The following MCTP1 variants were observed in gnomAD, a reference collection of about 807,000 sequenced individuals.
The protein encoded by MCTP1 is multiple C2 and transmembrane domain-containing protein 1.
A neutral mutation model predicts 120.6 loss-of-function variants in MCTP1; 69 were observed. The ratio of observed to expected loss-of-function variants is 0.57; its 90% CI spans 0.47 to 0.70. The LOEUF is 0.70. MCTP1 is among the 30% of genes least tolerant of loss of function. MCTP1 has a pLI of 0.00. For missense variants in MCTP1, 1,203 were observed against 1,248.8 expected (o/e 0.96, Z 0.55); for synonymous variants, 529 against 493.1 (o/e 1.07, Z -0.96).
At chr5:95,097,059 C>T (rs1217707539) in intron 1 of MCTP1, among the ~76,000 whole-genome samples, 1 of 152,018 alleles carries the variant, frequency 6.6e-6, no homozygotes, top group African/African-American at 2.4e-5. Flanking sequence ...TTTTTTATAA[C>T]TTTTTCCCCT....
At chr5:94,813,618 G>C (rs1330718244) in intron 17 of MCTP1, among the ~76,000 whole-genome samples, 1 of 152,110 alleles carries the variant, frequency 6.6e-6, no homozygotes, top group African/African-American at 2.4e-5. Context: ...ATACTATTCA[G>C]TAATAAAAAG....
At position 94,706,452 on chromosome 5, in the gene MCTP1, T is replaced by TA. The variant is rs1554073914; in HGVS notation, c.*1043dup. The TA allele has an allele frequency of 7.9e-5, 12 of 151,622 alleles. No homozygotes were observed. Among genetic ancestry groups the TA allele is most frequent in the Admixed American group, 2.6e-4 (4 of 15,174 alleles). 9.4% of individuals were successfully genotyped at this position (151,622 alleles called of 1,614,324 possible). The stretch of plus-strand genomic sequence containing the variant: ...ATGCATAATCAAGAATGATTTTTTT[T>TA]AATAAATGAATGTAGTGAAACACTG... On this transcript the variant is annotated 3_prime_UTR_variant, in exon 23 of 23. Coordinates refer to ENST00000515393, the MANE Select transcript of MCTP1 (RefSeq NM_024717.7).
chr5:95,279,390 G>C (rs1037531478), intron 1 of MCTP1, among the ~76,000 whole-genome samples: 1 of 152,026 alleles, frequency 6.6e-6, no homozygotes, highest in Admixed American at 6.6e-5. Context: ...TTCCATTGCT[G>C]TATAAAATTG....
At chr5:95,210,093 A>C (rs1363937020) in intron 1 of MCTP1, among the ~76,000 whole-genome samples, 1 of 152,116 alleles carries the variant, frequency 6.6e-6, no homozygotes, top group Non-Finnish European at 1.5e-5. Flanking sequence ...CTTTACTTCC[A>C]AGTATGTGGT....
intron 1 of MCTP1, among the ~76,000 whole-genome samples, chr5:95,022,828 G>C (rs1218321000): frequency 6.6e-6 from 1 of 152,116 alleles, no homozygotes; most frequent in Admixed American, 6.6e-5. Flanking sequence ...GTCCATTCAG[G>C]AGCTATAATA....
intron 1 of MCTP1, among the ~76,000 whole-genome samples, chr5:95,129,503 CCAAA>C (rs955318071): frequency 4.7e-4 from 71 of 152,158 alleles, no homozygotes; most frequent in Middle Eastern, 6.8e-3. Flanking sequence ...TAACGGATGC[CCAAA>C]CAGATGGTAA....
intron 1 of MCTP1, among the ~76,000 whole-genome samples, chr5:95,080,212 C>T (rs10515222): frequency 0.026 from 3,978 of 152,186 alleles, 154 homozygotes; most frequent in African/African-American, 0.088. Context: ...GGCTCACTTC[C>T]CAGAGTAAGG....
intron 3 of MCTP1, among the ~76,000 whole-genome samples, chr5:94,944,655 C>G (rs982302390): frequency 2.0e-5 from 3 of 152,186 alleles, no homozygotes; most frequent in Non-Finnish European, 1.5e-5. Context: ...TTTCACTCTC[C>G]TAGTGAGAGT....
At chr5:95,149,497 C>CCAAGCCGG (rs1554215631) in intron 1 of MCTP1, among the ~76,000 whole-genome samples, 150,151 of 151,918 alleles carry the variant, frequency 0.99, 74,228 homozygotes, top group Non-Finnish European at 1. Context: ...TGCTGGGAGC[C>CCAAGCCGG]CAAGTCTTGC....
intron 2 of MCTP1, among the ~76,000 whole-genome samples, chr5:95,004,431 T>A (rs1413977439): frequency 1.3e-5 from 2 of 152,176 alleles, no homozygotes; most frequent in East Asian, 3.8e-4. Context: ...TGTTAATTGC[T>A]GACAATGGAA....
intron 1 of MCTP1, among the ~76,000 whole-genome samples, chr5:95,229,526 A>T (rs912984935): frequency 7.2e-5 from 11 of 152,098 alleles, no homozygotes; most frequent in African/African-American, 2.7e-4. Flanking sequence ...AGGCCGGCAG[A>T]TCACAAGGTC....
intron 1 of MCTP1, among the ~76,000 whole-genome samples, chr5:95,028,815 C>T (rs557395526): frequency 6.6e-6 from 1 of 152,276 alleles, no homozygotes; most frequent in South Asian, 2.1e-4. Flanking sequence ...TATTTGTTTT[C>T]TAATCTTTAA....
intron 1 of MCTP1, among the ~76,000 whole-genome samples, chr5:95,080,700 A>G (rs1380576967): frequency 6.6e-6 from 1 of 152,118 alleles, no homozygotes; most frequent in Non-Finnish European, 1.5e-5. Flanking sequence ...GTGTCACCCA[A>G]CCTTTGAATT....
intron 19 of MCTP1, among the ~76,000 whole-genome samples, chr5:94,751,318 G>A (rs1768241791): frequency 6.6e-6 from 1 of 151,556 alleles, no homozygotes; most frequent in African/African-American, 2.4e-5. Context: ...TTTAGTTCAG[G>A]TAATTTAGCA....
intron 1 of MCTP1, among the ~76,000 whole-genome samples, chr5:95,223,557 C>T (rs1313184814): frequency 6.6e-6 from 1 of 152,154 alleles, no homozygotes; most frequent in Non-Finnish European, 1.5e-5. Context: ...ACAAATGGCT[C>T]ATGGTCATTA....
intron 6 of MCTP1, among the ~76,000 whole-genome samples, chr5:94,926,414 A>G (rs1813136982): frequency 6.6e-6 from 1 of 151,390 alleles, no homozygotes. Flanking sequence ...CAAATCATGT[A>G]TATAAACTTT....
chr5:95,196,147 C>T (rs147236396), intron 1 of MCTP1, among the ~76,000 whole-genome samples: 2 of 152,230 alleles, frequency 1.3e-5, no homozygotes, highest in Non-Finnish European at 2.9e-5. Flanking sequence ...ATCTTGAAAA[C>T]CTGACTATAT....
intron 1 of MCTP1, among the ~76,000 whole-genome samples, chr5:95,274,995 C>T (rs973802078): frequency 2.0e-4 from 30 of 152,164 alleles, no homozygotes; most frequent in African/African-American, 7.0e-4. Context: ...GCCTCACCTT[C>T]ATCTCACCAC....
Position 95,083,703 on chromosome 5 carries a change from G to A in MCTP1, c.721-66219C>T, listed in dbSNP as rs181083131. ...TGAAGAGAAAAACAAAGCCAAATAC[G>A]TGAAAGGCAGATTCCTGATAATACT... On this transcript the variant is annotated intron_variant, in intron 1 of 22. Transcript: ENST00000515393. Among the ~76,000 whole-genome samples the A allele has an allele frequency of 2.9e-3, 447 of 152,266 alleles. 1 individual carries two copies. The highest frequency in any genetic ancestry group is 0.01 in the African/African-American group (430 of 41,550).
Sources: allele counts gnomAD v4.1 joint callset (sites outside exome capture counted in the v4.1 genomes callset), GRCh38; gene constraint gnomAD v4.1.1; transcripts MANE v1.5; gene names NCBI Gene and HGNC (gene_info 2026-07-23, HGNC 2026-07-21).